C1orf21: variants seen among roughly 807,000 people sequenced by gnomAD.
The protein encoded by C1orf21 is uncharacterized protein C1orf21.
C1orf21 carries 3 observed loss-of-function variants against 18.7 expected under a neutral mutation model. That is an observed-to-expected ratio of 0.16 (90% CI 0.07 to 0.42). The LOEUF is 0.42. Among genes scored for constraint, C1orf21 ranks in the 10% least tolerant of loss-of-function variants. C1orf21 has a pLI of 0.99. For synonymous variants in C1orf21, 41 were observed against 46.4 expected, an observed-to-expected ratio of 0.88 and a Z score of 0.47; for missense variants, 104 against 143.6, an observed-to-expected ratio of 0.72 and a Z score of 1.41.
At chr1:184,484,582 G>A (rs1372948798) in intron 2 of C1orf21, among the ~76,000 whole-genome samples, 2 of 152,210 alleles carry the variant, frequency 1.3e-5, no homozygotes, top group African/African-American at 2.4e-5. Context: ...GGAGCTGGAG[G>A]CAGAGAGATT....
At chr1:184,400,601 C>G (rs1369646912) in intron 1 of C1orf21, among the ~76,000 whole-genome samples, 1 of 152,016 alleles carries the variant, frequency 6.6e-6, no homozygotes, top group Non-Finnish European at 1.5e-5. Flanking sequence ...GAAATTCTAC[C>G]GTACAGATAT....
At chr1:184,402,676 A>C (rs550037979) in intron 1 of C1orf21, among the ~76,000 whole-genome samples, 1 of 150,782 alleles carries the variant, frequency 6.6e-6, no homozygotes, top group South Asian at 2.1e-4. Context: ...CCCCTTATAT[A>C]ATTCATTTCT....
At chr1:184,541,916 G>T (rs1197725648) in intron 3 of C1orf21, among the ~76,000 whole-genome samples, 2 of 152,226 alleles carry the variant, frequency 1.3e-5, no homozygotes, top group African/African-American at 4.8e-5. Context: ...GGTGTGGTTT[G>T]TGAGCTTAGC....
At chr1:184,480,177 A>G (rs1294900897) in intron 2 of C1orf21, among the ~76,000 whole-genome samples, 1 of 152,210 alleles carries the variant, frequency 6.6e-6, no homozygotes, top group Non-Finnish European at 1.5e-5. Flanking sequence ...TACAGAGATG[A>G]CATCCAAACC....
chr1:184,460,045 G>A (rs545977499), intron 1 of C1orf21, among the ~76,000 whole-genome samples: 128 of 152,196 alleles, frequency 8.4e-4, no homozygotes, highest in African/African-American at 2.9e-3. Flanking sequence ...CTCCACACAC[G>A]GGCTCCTTCC....
chr1:184,606,051 T>C (rs1553259202), intron 5 of C1orf21, among the ~76,000 whole-genome samples: 1 of 152,196 alleles, frequency 6.6e-6, no homozygotes, highest in Non-Finnish European at 1.5e-5. Context: ...AGTGTATTCA[T>C]CCACCTCCCT....
intron 3 of C1orf21, among the ~76,000 whole-genome samples, chr1:184,578,366 A>G (rs1328859440): frequency 6.6e-6 from 1 of 152,216 alleles, no homozygotes; most frequent in Non-Finnish European, 1.5e-5. Context: ...TGTGATTCCC[A>G]TTCACATGTG....
At chr1:184,491,283 A>C (rs572575390) in intron 2 of C1orf21, among the ~76,000 whole-genome samples, 1 of 152,266 alleles carries the variant, frequency 6.6e-6, no homozygotes, top group South Asian at 2.1e-4. Context: ...AGAAAAAGCA[A>C]AACTTTTTCC....
At chr1:184,496,020 T>A (rs1238379749) in intron 2 of C1orf21, among the ~76,000 whole-genome samples, 2 of 152,064 alleles carry the variant, frequency 1.3e-5, no homozygotes, top group East Asian at 3.9e-4. Context: ...TTTCTTTGCT[T>A]CTGCAGATTG....
At chr1:184,560,613 G>A (rs1239244777) in intron 3 of C1orf21, among the ~76,000 whole-genome samples, 1 of 152,168 alleles carries the variant, frequency 6.6e-6, no homozygotes, top group Non-Finnish European at 1.5e-5. Context: ...CTTTTCTGCA[G>A]GTAGAGAAAC....
chr1:184,507,512 T>G, intron 2 of C1orf21, 76 bp from the exon 3 acceptor site: 8 of 1,239,576 alleles, frequency 6.5e-6, no homozygotes, highest in Non-Finnish European at 9.1e-6. Flanking sequence ...AATTACACTA[T>G]TGGGATTTTC....
rs535863618 is a variant in C1orf21, at chr1:184,540,158, A to G, written c.189+32476A>G. 5 of 152,346 alleles carry G rather than the reference A, an allele frequency of 3.3e-5. No individual in the cohort carries two copies. The South Asian group carries it at 1.0e-3, about 32-fold the overall frequency. The allele number at this position is 152,346 out of a possible 1,614,324, so 9.4% of individuals were successfully genotyped here. ...AAATAAAGATCCATTATTGTTAATAATTGTTAATAAATGCCAGAGAAATCC... is the reference window on the plus strand; with the variant it reads ...AAATAAAGATCCATTATTGTTAATAGTTGTTAATAAATGCCAGAGAAATCC... On this transcript the variant is annotated intron_variant, in intron 3 of 5. Coordinates refer to ENST00000235307, the MANE Select transcript of C1orf21 (RefSeq NM_030806.4).
intron 1 of C1orf21, among the ~76,000 whole-genome samples, chr1:184,428,027 G>A (rs1458170413): frequency 1.3e-5 from 2 of 152,170 alleles, no homozygotes; most frequent in African/African-American, 2.4e-5. Flanking sequence ...ACAACCTTGG[G>A]CAAGATACTT....
intron 5 of C1orf21, 135 bp downstream of exon 5, chr1:184,598,596 G>C (rs1425959631): frequency 1.2e-5 from 10 of 819,816 alleles, no homozygotes; most frequent in Non-Finnish European, 1.9e-5. Flanking sequence ...TTAAATAAAA[G>C]TCACCGCCCT....
intron 3 of C1orf21, among the ~76,000 whole-genome samples, chr1:184,584,280 A>G (rs1380138734): frequency 6.6e-6 from 1 of 151,998 alleles, no homozygotes; most frequent in African/African-American, 2.4e-5. Context: ...TTAAGTATAC[A>G]CATGCTCCTA....
chr1:184,505,306 AATATATATATATATAT>A (rs59445875), intron 2 of C1orf21, among the ~76,000 whole-genome samples: 17 of 66,776 alleles, frequency 2.5e-4, no homozygotes, highest in African/African-American at 4.9e-4. Context: ...TACATAAAGA[AATATATATATATATAT>A]ATATATATAT....
chr1:184,543,831 A>T (rs1658692157), intron 3 of C1orf21, among the ~76,000 whole-genome samples: 1 of 152,186 alleles, frequency 6.6e-6, no homozygotes, highest in African/African-American at 2.4e-5. Context: ...GCTTCTCTCA[A>T]ATATCACTGA....
chr1:184,597,675 T>C (rs570453936), intron 4 of C1orf21, among the ~76,000 whole-genome samples: 83 of 151,594 alleles, frequency 5.5e-4, no homozygotes, highest in African/African-American at 1.9e-3. Flanking sequence ...GACTAAGTCC[T>C]ATACTGCCCC....
intron 1 of C1orf21, among the ~76,000 whole-genome samples, chr1:184,412,541 G>A (rs903910492): frequency 4.3e-4 from 66 of 152,296 alleles, no homozygotes; most frequent in African/African-American, 1.5e-3. Flanking sequence ...AAAGTAATTT[G>A]CAAATCTGGC....
Sources: gnomAD v4.1 joint callset for allele counts (sites outside exome capture counted in the v4.1 genomes callset) on GRCh38, gnomAD v4.1.1 for gene constraint, MANE v1.5 for transcripts, NCBI Gene and HGNC (gene_info 2026-07-23, HGNC 2026-07-21) for gene names.